The following CCDC85C variants were observed in gnomAD, a reference collection of about 807,000 sequenced individuals.
The protein encoded by CCDC85C is coiled-coil domain containing 85C, also known as coiled-coil domain-containing protein 85C.
A neutral mutation model predicts 38.3 loss-of-function variants in CCDC85C; 18 were observed. That is an observed-to-expected ratio of 0.47 (90% CI 0.33 to 0.70). CCDC85C has a LOEUF of 0.70. Among genes scored for constraint, CCDC85C ranks in the 30% least tolerant of loss-of-function variants. The pLI, the probability that CCDC85C is intolerant of heterozygous loss-of-function variation, is 0.03. For synonymous variants in CCDC85C, 264 were observed against 293.8 expected (o/e 0.90, Z 1.04); for missense variants, 566 against 621.2 (o/e 0.91, Z 0.94).
Position 99,558,785 on chromosome 14 carries a change from A to G in CCDC85C, c.794-22697T>C, listed in dbSNP as rs1466361437. ...ACCAGGAGTCATCAGAAGCAGGAAG[A>G]GGCAAGGAAGGTGATGTGGTTTGAA... On this transcript the variant is annotated intron_variant, in intron 1 of 5. Transcript: ENST00000380243. The surrounding 1 kb of genome is among the most constrained non-coding windows in gnomAD (Gnocchi z 4.2). Among the ~76,000 whole-genome samples the G allele has an allele frequency of 6.6e-6, 1 of 152,170 alleles. No homozygotes were observed. Among genetic ancestry groups the G allele is most frequent in the African/African-American group, 2.4e-5 (1 of 41,440 alleles).
chr14:99,584,897 T>G (rs896160981), intron 1 of CCDC85C, among the ~76,000 whole-genome samples: 3 of 152,192 alleles, frequency 2.0e-5, no homozygotes. Context: ...GAGACAAGCC[T>G]GGGCAACACA....
At position 99,540,266 on chromosome 14, in the gene CCDC85C, C is replaced by T. The variant is rs573717520; in HGVS notation, c.794-4178G>A. Among the ~76,000 whole-genome samples the T allele has an allele frequency of 3.3e-5, 5 of 152,332 alleles. No homozygotes were observed. The Middle Eastern group carries it at 0.01, about 311-fold the overall frequency. Reference sequence around the variant, plus strand: ...TGACCCTCTCCCCACACTCAGCTCCCTAGAAGAGCTCTCCAGGCTGCCAGG... The same window carrying T: ...TGACCCTCTCCCCACACTCAGCTCCTTAGAAGAGCTCTCCAGGCTGCCAGG... On this transcript the variant is annotated intron_variant, in intron 1 of 5. Coordinates refer to ENST00000380243, the MANE Select transcript of CCDC85C (RefSeq NM_001144995.2).
chr14:99,603,735 C>G lies in CCDC85C; in HGVS notation c.225G>C (p.Gln75His), dbSNP rs1201374111. ...LEIRGLKDVNQRLQDDNQELR... is the reference protein window; with the variant it reads ...LEIRGLKDVNHRLQDDNQELR... Reference sequence around the variant, plus strand: ...GCTCCTGGTTGTCGTCCTGCAGCCGCTGGTTCACGTCCTTGAGGCCGCGGA... The same window carrying G: ...GCTCCTGGTTGTCGTCCTGCAGCCGGTGGTTCACGTCCTTGAGGCCGCGGA... The change falls in exon 1 of 6, where the codon CAG becomes CAC. Residue 75 changes from glutamine (Q) to histidine (H), a missense_variant. This residue lies in a region of CCDC85C where 269 missense variants were observed against 308.2 expected (regional missense o/e 0.87). Transcript: ENST00000380243. The surrounding 1 kb of genome is among the most constrained non-coding windows in gnomAD (Gnocchi z 7.5). 1 of 1,521,184 alleles carries G rather than the reference C, an allele frequency of 6.6e-7. No individual in the cohort carries two copies. The highest frequency in any genetic ancestry group is 1.2e-5 in the South Asian group (1 of 81,916). The allele number at this position is 1,521,184 out of a possible 1,614,324, so 94.2% of individuals were successfully genotyped here.
Position 99,603,426 on chromosome 14 carries a change from G to A in CCDC85C, c.534C>T (p.Ser178=), listed in dbSNP as rs1275708955. 7.9e-7 allele frequency: 1 copy of A among 1,269,396 alleles called. No individual in the cohort carries two copies. The highest frequency in any genetic ancestry group is 9.9e-7 in the Non-Finnish European group (1 of 1,011,380). The allele number at this position is 1,269,396 out of a possible 1,614,324, so 78.6% of individuals were successfully genotyped here. A position where few individuals can be genotyped will look rare whatever the true frequency, so the allele number is the denominator to read the frequency against. The change falls in exon 1 of 6, where the codon AGC becomes AGT. Residue 178 remains serine, a synonymous_variant. Transcript: ENST00000380243. The surrounding 1 kb of genome is among the most constrained non-coding windows in gnomAD (Gnocchi z 7.5). ...TCAGGCTGGCCTGGCTGTCGATGGAGCTGCGGGAGCCGGCGCCGCCCCCGC... is the reference window on the plus strand; with the variant it reads ...TCAGGCTGGCCTGGCTGTCGATGGAACTGCGGGAGCCGGCGCCGCCCCCGC... The part of the protein sequence containing the change: ...GGGGGGAGSR[S]SIDSQASLSG...
chr14:99,546,056 AT>A (rs987341726), intron 1 of CCDC85C, among the ~76,000 whole-genome samples: 42 of 141,594 alleles, frequency 3.0e-4, no homozygotes, highest in African/African-American at 1.2e-3. Flanking sequence ...TGAAGTCTGC[AT>A]GGGGGGGGGG....
At chr14:99,551,085 G>C (rs12372922) in intron 1 of CCDC85C, among the ~76,000 whole-genome samples, 80,699 of 152,142 alleles carry the variant, frequency 0.53, 21,599 homozygotes, top group African/African-American at 0.58. Flanking sequence ...GTTTTGTAGA[G>C]CATGAAGTAC....
At chr14:99,564,232 C>T (rs981338758) in intron 1 of CCDC85C, among the ~76,000 whole-genome samples, 3 of 152,224 alleles carry the variant, frequency 2.0e-5, no homozygotes, top group Admixed American at 1.3e-4. Context: ...GAGACCTCTT[C>T]GCACCCACTG....
chr14:99,503,986 G>A lies in CCDC85C; in HGVS notation c.*11260C>T. The A allele has an allele frequency of 2.8e-6, 1 of 362,982 alleles. No homozygotes were observed. The highest frequency in any genetic ancestry group is 5.3e-6 in the Non-Finnish European group (1 of 189,814). The allele number at this position is 362,982 out of a possible 1,614,324, so 22.5% of individuals were successfully genotyped here. A position where few individuals can be genotyped will look rare whatever the true frequency, so the allele number is the denominator to read the frequency against. On this transcript the variant is annotated 3_prime_UTR_variant, in exon 6 of 6. Coordinates refer to ENST00000380243, the MANE Select transcript of CCDC85C (RefSeq NM_001144995.2). ...CACAGCAGCAGGAGTCCTCTCCCAA[G>A]CACCAAGCCACAGCAGATGCGGGGG...
At position 99,569,821 on chromosome 14, in the gene CCDC85C, A is replaced by C. The variant is rs10132574; in HGVS notation, c.793+33346T>G. Among the ~76,000 whole-genome samples, 7,260 of 152,126 alleles carry C rather than the reference A, an allele frequency of 0.048. 616 individuals are homozygous for C. Among genetic ancestry groups the C allele is most frequent in the African/African-American group, 0.16 (6,795 of 41,488 alleles). On this transcript the variant is annotated intron_variant, in intron 1 of 5. Transcript: ENST00000380243. The surrounding 1 kb of genome is among the most constrained non-coding windows in gnomAD (Gnocchi z 4.3). Reference sequence around the variant, plus strand: ...GATTTGGAACATCTGCGGATACTGGAGGTTAGAAAGACCCCTGTTGTAATC... The same window carrying C: ...GATTTGGAACATCTGCGGATACTGGCGGTTAGAAAGACCCCTGTTGTAATC...
At chr14:99,526,549 G>A (rs1182585004) in intron 2 of CCDC85C, among the ~76,000 whole-genome samples, 1 of 152,176 alleles carries the variant, frequency 6.6e-6, no homozygotes, top group Non-Finnish European at 1.5e-5. Flanking sequence ...CAAGGCCACG[G>A]CCCAGTGACC....
In CCDC85C at chr14:99,599,967, C is replaced by A. The variant is rs182598772; in HGVS notation, c.793+3200G>T. ...CACAGGCCCACCAGGCCAGCCTCAG[C>A]CAGGGCTGCCTTGCATACAGATGGG... On this transcript the variant is annotated intron_variant, in intron 1 of 5. Transcript: ENST00000380243. Among the ~76,000 whole-genome samples, 261 of 152,360 alleles carry A rather than the reference C, an allele frequency of 1.7e-3. 3 individuals are homozygous for A. Among genetic ancestry groups the A allele is most frequent in the African/African-American group, 6.0e-3 (249 of 41,590 alleles).
intron 3 of CCDC85C, among the ~76,000 whole-genome samples, chr14:99,521,419 G>T (rs1267381886): frequency 6.6e-6 from 1 of 152,228 alleles, no homozygotes; most frequent in African/African-American, 2.4e-5. Context: ...GGCAAGGGGT[G>T]CAGGGAAGAG....
At chr14:99,542,441 G>A (rs755999444) in intron 1 of CCDC85C, among the ~76,000 whole-genome samples, 14 of 152,152 alleles carry the variant, frequency 9.2e-5, no homozygotes, top group African/African-American at 3.1e-4. Flanking sequence ...TTCATCTACC[G>A]AACAGCAATC....
intron 1 of CCDC85C, among the ~76,000 whole-genome samples, chr14:99,549,691 T>C (rs989923219): frequency 5.9e-5 from 9 of 152,158 alleles, no homozygotes; most frequent in East Asian, 1.9e-4. Flanking sequence ...AGAAGCGAGA[T>C]AGACTCAGTT....
intron 3 of CCDC85C, among the ~76,000 whole-genome samples, chr14:99,521,816 C>T (rs1282639155): frequency 6.6e-6 from 1 of 152,250 alleles, no homozygotes; most frequent in Non-Finnish European, 1.5e-5. Context: ...ACCCCAAGCT[C>T]CAGGGCTGGC....
At chr14:99,542,037 C>G (rs1897722764) in intron 1 of CCDC85C, among the ~76,000 whole-genome samples, 1 of 152,220 alleles carries the variant, frequency 6.6e-6, no homozygotes, top group Admixed American at 6.5e-5. Context: ...AGGTCATTAG[C>G]AGGAGACCTG....
intron 1 of CCDC85C, among the ~76,000 whole-genome samples, chr14:99,547,041 G>A (rs1409082949): frequency 6.6e-6 from 1 of 151,722 alleles, no homozygotes; most frequent in Non-Finnish European, 1.5e-5. Context: ...TTTTCCTGAG[G>A]TCAGCCATGG....
At chr14:99,532,782 C>CTTTTTTTTT (rs34038396) in intron 2 of CCDC85C, among the ~76,000 whole-genome samples, 1 of 124,410 alleles carries the variant, frequency 8.0e-6, no homozygotes, top group African/African-American at 3.2e-5. Context: ...TCTTCTTCTT[C>CTTTTTTTTT]TTTTTTTTTT....
intron 1 of CCDC85C, among the ~76,000 whole-genome samples, chr14:99,562,693 C>T (rs937901157): frequency 1.3e-5 from 2 of 152,194 alleles, no homozygotes; most frequent in Non-Finnish European, 2.9e-5. Context: ...CAGAAGGTCA[C>T]AAAGGAGCCA....
Sources: gnomAD v4.1 joint callset for allele counts (sites outside exome capture counted in the v4.1 genomes callset) on GRCh38, gnomAD v4.1.1 for gene constraint, gnomAD v4.1.1 regional missense constraint, Gnocchi (gnomAD v3.1) non-coding constraint, MANE v1.5 for transcripts, NCBI Gene and HGNC (gene_info 2026-07-23, HGNC 2026-07-21) for gene names.